CLEC9A: variants seen among roughly 807,000 people sequenced by gnomAD.
CLEC9A encodes C-type lectin domain containing 9A.
Under a neutral mutation model 30.0 loss-of-function variants are expected in CLEC9A, and 24 were observed. That is an observed-to-expected ratio of 0.80 (90% CI 0.58 to 1.13). The LOEUF (loss-of-function observed/expected upper bound fraction) is 1.13. CLEC9A is among the 50% of genes most tolerant of loss of function. The pLI is 0.00. For synonymous variants in CLEC9A, 111 were observed against 96.8 expected, an observed-to-expected ratio of 1.15 and a Z score of -0.86; for missense variants, 251 against 280.9, an observed-to-expected ratio of 0.89 and a Z score of 0.76.
Position 10,060,984 on chromosome 12 carries a change from TA to T in CLEC9A, c.173-140del, listed in dbSNP as rs1865991432. Reference sequence around the variant, plus strand: ...TGTAGTGTTTGATTCTTGTACAATGTAAATTTTAAGCAAAAACCTAAAATAA... The same window carrying T: ...TGTAGTGTTTGATTCTTGTACAATGTAATTTTAAGCAAAAACCTAAAATAA... On this transcript the variant is annotated intron_variant, in intron 5 of 8. Transcript: ENST00000355819. 4.0e-6 allele frequency: 4 copies of T among 992,000 alleles called. No individual in the cohort carries two copies. The East Asian group carries it at 1.2e-4, about 30-fold the overall frequency. 61.4% of individuals were successfully genotyped at this position (992,000 alleles called of 1,614,324 possible). A position where few individuals can be genotyped will look rare whatever the true frequency, so the allele number is the denominator to read the frequency against.
In CLEC9A at chr12:10,035,130, C is replaced by T. The variant is rs552801892; in HGVS notation, c.-318+4158C>T. Among the ~76,000 whole-genome samples, 29 of 152,328 alleles carry T rather than the reference C, an allele frequency of 1.9e-4. No homozygotes were observed. In the East Asian group the frequency reaches 1.9e-3, roughly 10 times the overall value. ...CTTGTTTCACCAGTTGGTGGCCTGC[C>T]GATATGCTCTTGACGTCCAGCCACT... On this transcript the variant is annotated intron_variant, in intron 1 of 8. Coordinates refer to ENST00000355819, the MANE Select transcript of CLEC9A (RefSeq NM_207345.4).
intron 5 of CLEC9A, among the ~76,000 whole-genome samples, chr12:10,055,307 G>GCA (rs1385551034): frequency 6.6e-6 from 1 of 152,128 alleles, no homozygotes; most frequent in Non-Finnish European, 1.5e-5. Context: ...TTTTTAAGAA[G>GCA]CACACATATT....
At chr12:10,065,461 C>G in intron 8 of CLEC9A, 39 bp from the exon 9 acceptor site, 1 of 1,610,902 alleles carries the variant, frequency 6.2e-7, no homozygotes, top group Non-Finnish European at 8.5e-7. Flanking sequence ...TTCTGAAACT[C>G]CCAAGTCTAA....
chr12:10,063,427 ATGTT>A (rs1451237439), intron 7 of CLEC9A, among the ~76,000 whole-genome samples: 3 of 152,206 alleles, frequency 2.0e-5, no homozygotes, highest in African/African-American at 7.2e-5. Context: ...CGAGAAGAAT[ATGTT>A]TGTTCTATGT....
At chr12:10,046,839 T>G (rs1237140918) in intron 2 of CLEC9A, among the ~76,000 whole-genome samples, 1 of 152,200 alleles carries the variant, frequency 6.6e-6, no homozygotes, top group African/African-American at 2.4e-5. Context: ...ACTTTAGAAC[T>G]TACTCTCTGT....
intron 3 of CLEC9A, 62 bp from the exon 4 acceptor site, chr12:10,052,568 T>G (rs768507812): frequency 1.5e-5 from 22 of 1,472,602 alleles, no homozygotes; most frequent in Non-Finnish European, 4.5e-6. Context: ...AAACATATTT[T>G]CCCACTACTG....
intron 7 of CLEC9A, among the ~76,000 whole-genome samples, chr12:10,063,844 C>T (rs1866018722): frequency 6.6e-6 from 1 of 152,078 alleles, no homozygotes; most frequent in South Asian, 2.1e-4. Context: ...CCTGTCTCTA[C>T]TAAAAATACA....
At chr12:10,054,387 CGT>C (rs1264470492) in intron 5 of CLEC9A, 36 bp downstream of exon 5, 2 of 1,337,462 alleles carry the variant, frequency 1.5e-6, no homozygotes, top group Non-Finnish European at 2.1e-6. Context: ...ATATGTATAT[CGT>C]TATATATAAA....
intron 4 of CLEC9A, 153 bp downstream of exon 4, chr12:10,052,931 A>AT: frequency 1.3e-6 from 1 of 790,236 alleles, no homozygotes; most frequent in Non-Finnish European, 1.8e-6. Flanking sequence ...GTGGAGAAGG[A>AT]TTAAGTAACG....
intron 1 of CLEC9A, 122 bp downstream of exon 1, chr12:10,031,094 A>G (rs1007860857): frequency 7.2e-5 from 11 of 152,250 alleles, no homozygotes; most frequent in Non-Finnish European, 7.3e-5. Context: ...AGGGCATTCT[A>G]GGTTAGGAAA....
chr12:10,043,219 A>G, intron 2 of CLEC9A: 1 of 399,070 alleles, frequency 2.5e-6, no homozygotes, highest in Non-Finnish European at 5.0e-6. Context: ...CAATAGGAAT[A>G]CATCAAAGCC....
intron 5 of CLEC9A, among the ~76,000 whole-genome samples, chr12:10,060,383 T>C (rs1865986037): frequency 6.6e-6 from 1 of 152,172 alleles, no homozygotes; most frequent in African/African-American, 2.4e-5. Flanking sequence ...ACAAAATAGG[T>C]GAACTATTTA....
At chr12:10,052,310 A>T (rs557010546) in intron 3 of CLEC9A, 1 of 178,716 alleles carries the variant, frequency 5.6e-6, no homozygotes, top group Admixed American at 5.7e-5. Context: ...TATCTAGGTC[A>T]CCCCACGCTT....
intron 4 of CLEC9A, 175 bp downstream of exon 4, chr12:10,052,953 A>G (rs1865908685): frequency 1.5e-6 from 1 of 653,044 alleles, no homozygotes; most frequent in African/African-American, 1.8e-5. Flanking sequence ...TGAAAAATAA[A>G]GAGAGCAATA....
At position 10,057,666 on chromosome 12, in the gene CLEC9A, G is replaced by T. The variant is rs573896906; in HGVS notation, c.172+3315G>T. 3.3e-5 allele frequency among the ~76,000 whole-genome samples: 5 copies of T among 151,882 alleles called. No homozygotes were observed. The South Asian group carries it at 8.3e-4, about 25-fold the overall frequency. ...TTATATAAAAATATGGTTTTCTAAAGGTTGTATATAAAATACTTTTCTATA... is the reference window on the plus strand; with the variant it reads ...TTATATAAAAATATGGTTTTCTAAATGTTGTATATAAAATACTTTTCTATA... On this transcript the variant is annotated intron_variant, in intron 5 of 8. Coordinates refer to ENST00000355819, the MANE Select transcript of CLEC9A (RefSeq NM_207345.4).
chr12:10,051,430 T>C (rs1044537323), intron 2 of CLEC9A, among the ~76,000 whole-genome samples: 1 of 152,114 alleles, frequency 6.6e-6, no homozygotes, highest in African/African-American at 2.4e-5. Context: ...GCAGTTCCAA[T>C]AAACATTTTC....
At chr12:10,050,059 CT>C (rs1865879614) in intron 2 of CLEC9A, among the ~76,000 whole-genome samples, 1 of 152,096 alleles carries the variant, frequency 6.6e-6, no homozygotes, top group African/African-American at 2.4e-5. Context: ...ATTGTTAGGT[CT>C]CAGGGAATAT....
chr12:10,032,456 T>A (rs1265466963), intron 1 of CLEC9A, among the ~76,000 whole-genome samples: 1 of 138,678 alleles, frequency 7.2e-6, no homozygotes, highest in East Asian at 2.4e-4. Flanking sequence ...AGTGGCGCAA[T>A]CTCGGCTCAC....
intron 1 of CLEC9A, among the ~76,000 whole-genome samples, chr12:10,036,592 G>A (rs76503841): frequency 0.026 from 4,031 of 152,140 alleles, 182 homozygotes; most frequent in African/African-American, 0.091. Flanking sequence ...ACATCCACAG[G>A]CCATCCCTGT....
Sources: allele counts gnomAD v4.1 joint callset (sites outside exome capture counted in the v4.1 genomes callset), GRCh38; gene constraint gnomAD v4.1.1; transcripts MANE v1.5; gene names NCBI Gene and HGNC (gene_info 2026-07-23, HGNC 2026-07-21).